Variants in NACC2 observed in about 807,000 individuals in gnomAD.
NACC2 encodes nucleus accumbens-associated protein 2.
A neutral mutation model predicts 25.1 loss-of-function variants in NACC2; 8 were observed. The observed-to-expected ratio is 0.32, with a 90% CI of 0.19 to 0.57. The LOEUF is 0.57. NACC2 is among the 20% of genes least tolerant of loss of function. NACC2 has a pLI of 0.89. For synonymous variants in NACC2, 435 were observed against 294.7 expected (o/e 1.48, Z -4.88); for missense variants, 644 against 650.2 (o/e 0.99, Z 0.10).
rs544324541 is a variant in NACC2 at position 136,085,836 on chromosome 9, G to C, written c.-60+9353C>G. Among the ~76,000 whole-genome samples, 11 of 152,366 alleles carry C rather than the reference G, an allele frequency of 7.2e-5. No individual in the cohort carries two copies. In the East Asian group the frequency reaches 1.9e-3, roughly 27 times the overall value. On this transcript the variant is annotated intron_variant, in intron 1 of 5. Coordinates refer to ENST00000277554, the MANE Select transcript of NACC2 (RefSeq NM_144653.5). ...AATGCTGGGTAGCCAGGTGGGGTAG[G>C]TCCCTCCACAATCCTGAACTCACTG... is the stretch of plus-strand genomic sequence containing the variant.
intron 1 of NACC2, among the ~76,000 whole-genome samples, chr9:136,081,712 C>T (rs115422425): frequency 0.024 from 3,688 of 152,314 alleles, 131 homozygotes; most frequent in African/African-American, 0.083. Context: ...CACACACAGC[C>T]CCTCCTGGCT....
intron 1 of NACC2, among the ~76,000 whole-genome samples, chr9:136,080,588 T>A (rs7044661): frequency 0.96 from 145,842 of 151,428 alleles, 70,478 homozygotes; most frequent in East Asian, 1. Flanking sequence ...CCTGCTCCAA[T>A]AAAAAAACTC....
At chr9:136,017,185 G>A (rs13293625) in intron 2 of NACC2, among the ~76,000 whole-genome samples, 34,365 of 152,162 alleles carry the variant, frequency 0.23, 4,915 homozygotes, top group East Asian at 0.34. Context: ...AACCACTGCT[G>A]GGGCAGATGA....
Position 136,083,301 on chromosome 9 carries a change from A to T in NACC2, c.-60+11888T>A, listed in dbSNP as rs116674318. ...CCCCAACCTGAGCCTAGGCACGCGG[A>T]GGTCATCTCCTTGCTCAGGGAGGCA... On this transcript the variant is annotated intron_variant, in intron 1 of 5. Transcript: ENST00000277554. 3.6e-3 allele frequency among the ~76,000 whole-genome samples: 543 copies of T among 152,224 alleles called. 3 individuals are homozygous for T. The highest frequency in any genetic ancestry group is 0.011 in the African/African-American group (461 of 41,546).
intron 2 of NACC2, among the ~76,000 whole-genome samples, chr9:136,048,867 G>A (rs1207452352): frequency 6.6e-6 from 1 of 152,198 alleles, no homozygotes; most frequent in Non-Finnish European, 1.5e-5. Flanking sequence ...ACTGCCCCTC[G>A]GGGTCCACCA....
chr9:136,041,751 G>A lies in NACC2; in HGVS notation c.886+7885C>T, dbSNP rs985615664. Among the ~76,000 whole-genome samples, 12 of 152,290 alleles carry A rather than the reference G, an allele frequency of 7.9e-5. No homozygotes were observed. In the East Asian group the frequency reaches 1.2e-3, roughly 15 times the overall value. On this transcript the variant is annotated intron_variant, in intron 2 of 5. Transcript: ENST00000277554. ...ACTTTAAACAGATGAACAGTATGGC[G>A]TGTGAATTACGTCTCAATAAAGCTA...
rs149612979 is a variant in NACC2 at position 136,065,771 on chromosome 9, C to T, written c.-59-15191G>A. Among the ~76,000 whole-genome samples, 93 of 151,422 alleles carry T rather than the reference C, an allele frequency of 6.1e-4. 1 individual carries two copies. Among genetic ancestry groups the T allele is most frequent in the East Asian group, 1.9e-3 (10 of 5,164 alleles). On this transcript the variant is annotated intron_variant, in intron 1 of 5. Coordinates refer to ENST00000277554, the MANE Select transcript of NACC2 (RefSeq NM_144653.5). ...CAGGAAGGGGCTGGAGCCGTGATCA[C>T]GCCACTGTCCTCCAGCCTGGGTGAC... is the stretch of plus-strand genomic sequence containing the variant.
chr9:136,050,507 C>T lies in NACC2; in HGVS notation c.15G>A (p.Leu5=). The part of the protein sequence containing the change: MSQM[L]HIEIPNFGNT... ...TCCCGAAGTTGGGGATCTCGATGTGCAGCATCTGAGACATGGCGGGCGGGC... is the reference window on the plus strand; with the variant it reads ...TCCCGAAGTTGGGGATCTCGATGTGTAGCATCTGAGACATGGCGGGCGGGC... The change falls in exon 2 of 6, where the codon CTG becomes CTA. Residue 5 remains leucine (L), a synonymous_variant. Coordinates refer to ENST00000277554, the MANE Select transcript of NACC2 (RefSeq NM_144653.5). The T allele has an allele frequency of 1.3e-6, 1 of 763,720 alleles. No homozygotes were observed. Among genetic ancestry groups the T allele is most frequent in the Non-Finnish European group, 2.4e-6 (1 of 417,370 alleles). The allele number at this position is 763,720 out of a possible 1,614,324, so 47.3% of individuals were successfully genotyped here. A position where few individuals can be genotyped will look rare whatever the true frequency, so the allele number is the denominator to read the frequency against.
At chr9:136,082,229 A>T (rs1378830328) in intron 1 of NACC2, among the ~76,000 whole-genome samples, 3 of 152,126 alleles carry the variant, frequency 2.0e-5, no homozygotes, top group African/African-American at 7.2e-5. Flanking sequence ...CACCCTCAGG[A>T]CCATCGGTGT....
rs150158832 is a variant in NACC2 at position 136,080,237 on chromosome 9, G to A, written c.-60+14952C>T. ...CGGTACTGCACCCCCAGCCTGTACA[G>A]CCTCATCCCAGCAGGGCCCCCGCAC... On this transcript the variant is annotated intron_variant, in intron 1 of 5. Coordinates refer to ENST00000277554, the MANE Select transcript of NACC2 (RefSeq NM_144653.5). 1.4e-3 allele frequency among the ~76,000 whole-genome samples: 207 copies of A among 152,300 alleles called. 1 individual carries two copies. The highest frequency in any genetic ancestry group is 4.7e-3 in the African/African-American group (197 of 41,562).
At chr9:136,029,149 G>C (rs1258972128) in intron 2 of NACC2, among the ~76,000 whole-genome samples, 1 of 152,186 alleles carries the variant, frequency 6.6e-6, no homozygotes, top group Non-Finnish European at 1.5e-5. Flanking sequence ...GAGAACTTAT[G>C]TTGCCTTTTC....
intron 1 of NACC2, among the ~76,000 whole-genome samples, chr9:136,065,294 C>T (rs988661467): frequency 7.2e-5 from 11 of 151,968 alleles, no homozygotes; most frequent in Admixed American, 2.6e-4. Context: ...AGACCAGCCT[C>T]GGCAACATAG....
chr9:136,016,684 G>C (rs1467429756), intron 2 of NACC2, among the ~76,000 whole-genome samples: 1 of 152,180 alleles, frequency 6.6e-6, no homozygotes, highest in African/African-American at 2.4e-5. Flanking sequence ...CGAGTGAGCA[G>C]AAGATGTGAG....
intron 1 of NACC2, among the ~76,000 whole-genome samples, chr9:136,070,792 G>A (rs1353937256): frequency 3.3e-5 from 5 of 151,606 alleles, no homozygotes; most frequent in Non-Finnish European, 7.4e-5. Context: ...TGAAACAGCT[G>A]GGTTTTTGAA....
chr9:136,011,845 G>C lies in NACC2; in HGVS notation c.1435C>G (p.Leu479Val). The change falls in exon 6 of 6, where the codon CTC becomes GTC. Residue 479 changes from leucine to valine, a missense_variant. Transcript: ENST00000277554. ...GCGGCAGGCGGGAACTCGGGGTCGA[G>C]GGGCACGCTGGCGGCGGCGGAGCCC... ...VMGSAAASVP[L>V]DPEFPPAAAQ... 1 of 1,564,690 alleles carries C rather than the reference G, an allele frequency of 6.4e-7. No homozygotes were observed. Among genetic ancestry groups the C allele is most frequent in the East Asian group, 2.4e-5 (1 of 41,974 alleles).
intron 1 of NACC2, among the ~76,000 whole-genome samples, chr9:136,085,149 TTTTTTTTTTTTTTTG>T (rs1830365368): frequency 8.1e-6 from 1 of 124,072 alleles, no homozygotes; most frequent in Admixed American, 7.9e-5. Flanking sequence ...TTTTTTTTTT[TTTTTTTTTTTTTTTG>T]GCGAGACTGA....
chr9:136,028,035 G>T (rs1840419222), intron 2 of NACC2, among the ~76,000 whole-genome samples: 1 of 152,078 alleles, frequency 6.6e-6, no homozygotes, highest in Non-Finnish European at 1.5e-5. Context: ...CAAGGTGGGT[G>T]GATCACTTGA....
intron 2 of NACC2, among the ~76,000 whole-genome samples, chr9:136,027,287 TCAAA>T (rs1840406998): frequency 6.6e-6 from 1 of 151,806 alleles, no homozygotes; most frequent in Middle Eastern, 3.2e-3. Flanking sequence ...AGAGAAAACC[TCAAA>T]CAAGAGGACA....
Position 136,091,677 on chromosome 9 carries a change from G to A in NACC2, c.-60+3512C>T, listed in dbSNP as rs148880246. On this transcript the variant is annotated intron_variant, in intron 1 of 5. Coordinates refer to ENST00000277554, the MANE Select transcript of NACC2 (RefSeq NM_144653.5). ...GCTTCCAAAACCCAAACCGTAAACA[G>A]CAAACGCAGGAAGGCCACAGCTGAG... 9.4e-3 allele frequency among the ~76,000 whole-genome samples: 1,435 copies of A among 152,300 alleles called. 19 individuals are homozygous for A. The highest frequency in any genetic ancestry group is 0.032 in the African/African-American group (1,335 of 41,552).
Sources: gnomAD v4.1 joint callset for allele counts (sites outside exome capture counted in the v4.1 genomes callset) on GRCh38, gnomAD v4.1.1 for gene constraint, MANE v1.5 for transcripts, NCBI Gene and HGNC (gene_info 2026-07-23, HGNC 2026-07-21) for gene names.